The following P2RX3 variants were observed in gnomAD, a reference collection of about 807,000 sequenced individuals.
The protein encoded by P2RX3 is P2X purinoceptor 3.
A neutral mutation model predicts 51.5 loss-of-function variants in P2RX3; 41 were observed. The ratio of observed to expected loss-of-function variants is 0.80; its 90% confidence interval spans 0.62 to 1.03. The LOEUF (loss-of-function observed/expected upper bound fraction) is 1.03. Ranked by LOEUF, P2RX3 falls within the 50% of genes least tolerant of loss-of-function variation. The pLI, the probability that P2RX3 is intolerant of heterozygous loss-of-function variation, is 0.00. For synonymous variants in P2RX3, 185 were observed against 191.6 expected, an observed-to-expected ratio of 0.97 and a Z score of 0.29; for missense variants, 459 against 522.1, an observed-to-expected ratio of 0.88 and a Z score of 1.18.
rs575008075 is a variant in P2RX3, at chr11:57,348,806, A to G, written c.563+102A>G. The G allele has an allele frequency of 2.6e-4, 208 of 812,378 alleles. 3 individuals carry two copies. The South Asian group carries it at 3.3e-3, about 13-fold the overall frequency. 50.3% of individuals were successfully genotyped at this position (812,378 alleles called of 1,614,324 possible). A position where few individuals can be genotyped will look rare whatever the true frequency, so the allele number is the denominator to read the frequency against. ...ATGCCCCCTCGCCACAGTTCTTCCC[A>G]CTTTCGCTCCACTGACCCATCTCCC... On this transcript the variant is annotated intron_variant, in intron 6 of 11. Coordinates refer to ENST00000263314, the MANE Select transcript of P2RX3 (RefSeq NM_002559.5).
At chr11:57,357,300 A>G (rs953622302) in intron 8 of P2RX3, among the ~76,000 whole-genome samples, 1 of 152,190 alleles carries the variant, frequency 6.6e-6, no homozygotes, top group Admixed American at 6.5e-5. Context: ...AGCCTGGGTG[A>G]CAGAGTGAGA....
chr11:57,369,107 G>A (rs1312817330), intron 10 of P2RX3, among the ~76,000 whole-genome samples: 2 of 152,180 alleles, frequency 1.3e-5, no homozygotes, highest in Non-Finnish European at 2.9e-5. Context: ...CATGAGGGCA[G>A]AGCCCGCAGG....
intron 4 of P2RX3, among the ~76,000 whole-genome samples, chr11:57,347,714 G>A (rs1049310576): frequency 1.3e-5 from 2 of 152,166 alleles, no homozygotes; most frequent in African/African-American, 4.8e-5. Context: ...GAAGTGGCCT[G>A]TGCTGTCCAG....
chr11:57,359,434 C>T (rs1856682200), intron 8 of P2RX3, among the ~76,000 whole-genome samples: 2 of 152,284 alleles, frequency 1.3e-5, no homozygotes, highest in South Asian at 4.1e-4. Context: ...TAACCATCCC[C>T]GCTGCCCTTC....
At chr11:57,341,884 A>T (rs1034263125) in intron 1 of P2RX3, among the ~76,000 whole-genome samples, 5 of 152,100 alleles carry the variant, frequency 3.3e-5, no homozygotes, top group African/African-American at 1.2e-4. Context: ...CCCAGTCCAC[A>T]AACTTGCCAT....
At chr11:57,364,831 C>T (rs539268039) in intron 8 of P2RX3, among the ~76,000 whole-genome samples, 2 of 152,224 alleles carry the variant, frequency 1.3e-5, no homozygotes, top group East Asian at 3.9e-4. Context: ...CCTCCAAGCC[C>T]TCTTCCGGAT....
At chr11:57,347,668 C>A (rs1461633039) in intron 4 of P2RX3, among the ~76,000 whole-genome samples, 190 bp downstream of exon 4, 2 of 152,124 alleles carry the variant, frequency 1.3e-5, no homozygotes, top group African/African-American at 2.4e-5. Context: ...CAGAGGAGTT[C>A]CCAGTCTAGG....
At chr11:57,358,751 A>C (rs1460107037) in intron 8 of P2RX3, among the ~76,000 whole-genome samples, 3 of 152,220 alleles carry the variant, frequency 2.0e-5, no homozygotes, top group African/African-American at 4.8e-5. Context: ...TAGACCTATC[A>C]CAATCACGTT....
At chr11:57,344,559 C>T (rs1248687080) in intron 1 of P2RX3, among the ~76,000 whole-genome samples, 2 of 152,030 alleles carry the variant, frequency 1.3e-5, no homozygotes, top group Non-Finnish European at 2.9e-5. Flanking sequence ...GTTAGCCAGG[C>T]GTGGTTGTGC....
At chr11:57,340,810 A>G (rs992947842) in intron 1 of P2RX3, 19 of 152,548 alleles carry the variant, frequency 1.2e-4, no homozygotes, top group African/African-American at 4.6e-4. Context: ...CATTTTAGCC[A>G]AGACCCGAAG....
At chr11:57,360,024 T>C (rs1376654385) in intron 8 of P2RX3, among the ~76,000 whole-genome samples, 1 of 152,284 alleles carries the variant, frequency 6.6e-6, no homozygotes, top group Non-Finnish European at 1.5e-5. Context: ...CAAGGTCATA[T>C]AAACTAGGTG....
chr11:57,365,261 C>G (rs1049294345), intron 8 of P2RX3, among the ~76,000 whole-genome samples: 1 of 152,182 alleles, frequency 6.6e-6, no homozygotes, highest in Admixed American at 6.5e-5. Context: ...AAGGTGCATT[C>G]CAGGTAAAGG....
Position 57,372,151 on chromosome 11 carries a change from C to T in P2RX3, c.*2154C>T, listed in dbSNP as rs868157329. On this transcript the variant is annotated 3_prime_UTR_variant, in exon 12 of 12. Coordinates refer to ENST00000263314, the MANE Select transcript of P2RX3 (RefSeq NM_002559.5). The stretch of plus-strand genomic sequence containing the variant: ...ACCCTCACACCAACGCTGGTGAGTC[C>T]GCTATGGTTTGTCATTAATCCTATT... Among the ~76,000 whole-genome samples, 4 of 152,160 alleles carry T rather than the reference C, an allele frequency of 2.6e-5. No individual in the cohort carries two copies. Among genetic ancestry groups the T allele is most frequent in the African/African-American group, 7.2e-5 (3 of 41,422 alleles).
intron 8 of P2RX3, among the ~76,000 whole-genome samples, chr11:57,362,794 A>G (rs1856741011): frequency 1.3e-5 from 2 of 152,292 alleles, no homozygotes; most frequent in East Asian, 3.9e-4. Flanking sequence ...CTTAAATGCA[A>G]TGGGGTGGTT....
rs1015129006 is a variant in P2RX3 at position 57,372,268 on chromosome 11, A to G, written c.*2271A>G. Reference sequence around the variant, plus strand: ...CATTGCCTCTTTAATCATTCAACATAAAAGCCAACACTGATTACTTACTAT... The same window carrying G: ...CATTGCCTCTTTAATCATTCAACATGAAAGCCAACACTGATTACTTACTAT... On this transcript the variant is annotated 3_prime_UTR_variant, in exon 12 of 12. Coordinates refer to ENST00000263314, the MANE Select transcript of P2RX3 (RefSeq NM_002559.5). 5.3e-5 allele frequency among the ~76,000 whole-genome samples: 8 copies of G among 152,232 alleles called. No individual in the cohort carries two copies. The highest frequency in any genetic ancestry group is 1.0e-4 in the Non-Finnish European group (7 of 68,046).
At chr11:57,348,533 G>A (rs1856484358) in intron 5 of P2RX3, 94 bp from the exon 6 acceptor site, 1 of 1,063,178 alleles carries the variant, frequency 9.4e-7, no homozygotes, top group South Asian at 1.3e-5. Flanking sequence ...GTCTCCCTTT[G>A]GAGGCATCCA....
intron 1 of P2RX3, 110 bp from the exon 2 acceptor site, chr11:57,346,434 C>T (rs1241838188): frequency 8.0e-6 from 11 of 1,372,856 alleles, no homozygotes; most frequent in Middle Eastern, 1.9e-4. Flanking sequence ...ACCATCCGCA[C>T]ACCCTGCCAG....
chr11:57,361,948 C>T (rs749297829), intron 8 of P2RX3, among the ~76,000 whole-genome samples: 20 of 152,126 alleles, frequency 1.3e-4, no homozygotes, highest in Non-Finnish European at 2.2e-4. Flanking sequence ...TCCTTATGTC[C>T]GATTTTAGCT....
chr11:57,368,155 C>T lies in P2RX3; in HGVS notation c.936+53C>T, dbSNP rs1856825128. 4.5e-6 allele frequency: 7 copies of T among 1,565,664 alleles called. No homozygotes were observed. The South Asian group carries it at 6.7e-5, about 15-fold the overall frequency. ...TGGACAGGGGAGGCAGCCCAGACCA[C>T]CTCTCGGGTTCTGAAAAAGCTCCTC... On this transcript the variant is annotated intron_variant, in intron 9 of 11. Coordinates refer to ENST00000263314, the MANE Select transcript of P2RX3 (RefSeq NM_002559.5).
Sources: allele counts gnomAD v4.1 joint callset (sites outside exome capture counted in the v4.1 genomes callset), GRCh38; gene constraint gnomAD v4.1.1; transcripts MANE v1.5; gene names NCBI Gene and HGNC (gene_info 2026-07-23, HGNC 2026-07-21).